CNTN4: variants seen among roughly 807,000 people sequenced by gnomAD.
CNTN4 encodes the protein contactin 4.
Under a neutral mutation model 122.5 loss-of-function variants are expected in CNTN4, and 77 were observed. That is an observed-to-expected ratio of 0.63 (90% CI 0.52 to 0.76). The LOEUF is 0.76. CNTN4 is among the 30% of genes least tolerant of loss of function. The probability of loss-of-function intolerance (pLI) is 0.00; values close to 1 mark genes in which losing one functional copy is unlikely to be tolerated. For synonymous variants in CNTN4, 512 were observed against 447.0 expected (o/e 1.15, Z -1.83); for missense variants, 1,256 against 1,259.1 (o/e 1.00, Z 0.04).
At chr3:2,928,868 A>G (rs1417636385) in intron 13 of CNTN4, among the ~76,000 whole-genome samples, 2 of 152,240 alleles carry the variant, frequency 1.3e-5, no homozygotes, top group Non-Finnish European at 2.9e-5. Context: ...TCATCTAACC[A>G]TGTGGTGATA....
intron 2 of CNTN4, among the ~76,000 whole-genome samples, chr3:2,106,388 A>G (rs2032443371): frequency 3.3e-5 from 5 of 152,196 alleles, no homozygotes; most frequent in Admixed American, 3.3e-4. Flanking sequence ...TCTTGCCTGG[A>G]CATCCAGGCA....
chr3:2,229,171 G>T (rs960141060), intron 2 of CNTN4, among the ~76,000 whole-genome samples: 1 of 152,140 alleles, frequency 6.6e-6, no homozygotes, highest in Non-Finnish European at 1.5e-5. Context: ...ATTGAACCAG[G>T]TCTGTGAAAG....
chr3:2,401,517 C>T (rs555548121), intron 3 of CNTN4, among the ~76,000 whole-genome samples: 1 of 152,192 alleles, frequency 6.6e-6, no homozygotes, highest in South Asian at 2.1e-4. Context: ...TAAATTATTT[C>T]ACAACTTAAA....
intron 7 of CNTN4, among the ~76,000 whole-genome samples, chr3:2,843,910 C>T (rs1291225124): frequency 6.6e-6 from 1 of 152,176 alleles, no homozygotes; most frequent in South Asian, 2.1e-4. Context: ...TCTCCCTGGC[C>T]AAAAGCCCTC....
intron 6 of CNTN4, among the ~76,000 whole-genome samples, chr3:2,793,540 C>T (rs2092077551): frequency 6.6e-6 from 1 of 152,038 alleles, no homozygotes; most frequent in South Asian, 2.1e-4. Context: ...AATGAAAGAG[C>T]ATCGAAGCTG....
At chr3:2,252,538 T>C (rs1227103986) in intron 2 of CNTN4, among the ~76,000 whole-genome samples, 1 of 152,068 alleles carries the variant, frequency 6.6e-6, no homozygotes, top group African/African-American at 2.4e-5. Flanking sequence ...AGAAGAGATT[T>C]ATTGGAAAGC....
At chr3:3,047,931 A>G (rs1193337892) in intron 23 of CNTN4, among the ~76,000 whole-genome samples, 3 of 152,172 alleles carry the variant, frequency 2.0e-5, no homozygotes, top group Admixed American at 2.0e-4. Flanking sequence ...TGCAATAAAA[A>G]ATGATCAAGG....
At chr3:2,245,386 G>C (rs901456924) in intron 2 of CNTN4, among the ~76,000 whole-genome samples, 3 of 151,990 alleles carry the variant, frequency 2.0e-5, no homozygotes, top group African/African-American at 7.2e-5. Flanking sequence ...CTGGCAATAA[G>C]ACGAATAATA....
intron 7 of CNTN4, among the ~76,000 whole-genome samples, chr3:2,834,000 G>C (rs557838295): frequency 6.6e-6 from 1 of 152,102 alleles, no homozygotes; most frequent in African/African-American, 2.4e-5. Flanking sequence ...CAAAAATTTA[G>C]CTGGGCATGG....
intron 12 of CNTN4, among the ~76,000 whole-genome samples, chr3:2,914,788 C>T (rs973858138): frequency 3.9e-5 from 6 of 152,066 alleles, no homozygotes; most frequent in African/African-American, 7.2e-5. Flanking sequence ...ATTCTGTAAG[C>T]GCAGCTTTAT....
At chr3:2,217,184 C>T (rs577459838) in intron 2 of CNTN4, among the ~76,000 whole-genome samples, 56 of 152,274 alleles carry the variant, frequency 3.7e-4, no homozygotes, top group African/African-American at 1.3e-3. Context: ...TTTTCTGTGA[C>T]ATGAGTCTTC....
chr3:2,487,720 C>T (rs970987352), intron 3 of CNTN4, among the ~76,000 whole-genome samples: 5 of 152,112 alleles, frequency 3.3e-5, no homozygotes, highest in Non-Finnish European at 7.4e-5. Flanking sequence ...TGATCTCTTT[C>T]TTCTTATACC....
chr3:2,605,213 G>A (rs1310926797), intron 4 of CNTN4, among the ~76,000 whole-genome samples: 2 of 152,134 alleles, frequency 1.3e-5, no homozygotes, highest in Non-Finnish European at 2.9e-5. Context: ...TGTTGACAAG[G>A]CTGGTTTTGA....
intron 2 of CNTN4, among the ~76,000 whole-genome samples, chr3:2,267,525 C>G (rs1459673128): frequency 1.3e-5 from 2 of 152,030 alleles, no homozygotes; most frequent in African/African-American, 4.8e-5. Flanking sequence ...CATGTCATGT[C>G]TGTTATACAT....
intron 4 of CNTN4, among the ~76,000 whole-genome samples, chr3:2,686,268 A>G (rs1184687201): frequency 2.0e-5 from 3 of 152,272 alleles, no homozygotes; most frequent in Non-Finnish European, 4.4e-5. Flanking sequence ...TAACCCTTAC[A>G]TTAATCCAAA....
chr3:2,865,670 A>T (rs2093716325), intron 7 of CNTN4, among the ~76,000 whole-genome samples: 1 of 152,194 alleles, frequency 6.6e-6, no homozygotes. Flanking sequence ...ACAAATCTGG[A>T]AATTACACTT....
chr3:3,001,419 T>C (rs1416587732), intron 14 of CNTN4, among the ~76,000 whole-genome samples: 1 of 152,246 alleles, frequency 6.6e-6, no homozygotes, highest in African/African-American at 2.4e-5. Flanking sequence ...AGGACAGGCA[T>C]GTTAGGAAAC....
At chr3:2,913,181 TAAAA>T (rs1419459072) in intron 12 of CNTN4, among the ~76,000 whole-genome samples, 4 of 151,768 alleles carry the variant, frequency 2.6e-5, no homozygotes, top group African/African-American at 4.8e-5. Flanking sequence ...AAATAAAAAT[TAAAA>T]CAAATAAAAA....
chr3:2,307,062 T>C (rs2042735518), intron 2 of CNTN4, among the ~76,000 whole-genome samples: 1 of 152,190 alleles, frequency 6.6e-6, no homozygotes, highest in African/African-American at 2.4e-5. Context: ...ATAGTTTTGT[T>C]CATTCCTTCC....
Sources: allele counts gnomAD v4.1 joint callset (sites outside exome capture counted in the v4.1 genomes callset), GRCh38; gene constraint gnomAD v4.1.1; transcripts MANE v1.5; gene names NCBI Gene and HGNC (gene_info 2026-07-23, HGNC 2026-07-21).